The following RBFOX1 variants were observed in gnomAD, a reference collection of about 807,000 sequenced individuals.
RBFOX1 encodes RNA binding fox-1 homolog 1.
In RBFOX1, 8 loss-of-function variants were observed where a neutral mutation model predicts 57.7. The observed-to-expected ratio is 0.14, with a 90% CI of 0.08 to 0.25. RBFOX1 has a LOEUF of 0.25. RBFOX1 is among the 10% of genes least tolerant of loss of function. The pLI is 1.00. For synonymous variants in RBFOX1, 326 were observed against 222.4 expected, an observed-to-expected ratio of 1.47 and a Z score of -4.15; for missense variants, 611 against 548.5, an observed-to-expected ratio of 1.11 and a Z score of -1.14.
intron 4 of RBFOX1, among the ~76,000 whole-genome samples, chr16:7,490,445 A>G (rs1007046131): frequency 3.9e-5 from 6 of 152,206 alleles, no homozygotes; most frequent in African/African-American, 1.4e-4. Context: ...CACTGTTTAT[A>G]GTTCAAAATT....
At chr16:5,355,844 C>T (rs773268772) in intron 1 of RBFOX1, among the ~76,000 whole-genome samples, 6 of 152,118 alleles carry the variant, frequency 3.9e-5, no homozygotes, top group Non-Finnish European at 7.4e-5. Context: ...TAATCCCAGC[C>T]CTTTCGGAGG....
intron 4 of RBFOX1, among the ~76,000 whole-genome samples, chr16:7,297,376 T>G (rs952122659): frequency 3.9e-5 from 6 of 152,198 alleles, no homozygotes; most frequent in African/African-American, 1.2e-4. Context: ...GCAGTCTGTT[T>G]CTCAGCAGCC....
chr16:7,053,308 A>G (rs1255669089), intron 4 of RBFOX1, among the ~76,000 whole-genome samples: 1 of 152,148 alleles, frequency 6.6e-6, no homozygotes, highest in Non-Finnish European at 1.5e-5. Context: ...ACTTTCCTCC[A>G]AGTACCTGTG....
At chr16:5,855,988 T>A (rs1225791636) in intron 3 of RBFOX1, among the ~76,000 whole-genome samples, 1 of 146,916 alleles carries the variant, frequency 6.8e-6, no homozygotes, top group East Asian at 2.0e-4. Flanking sequence ...TTTTTTTTTT[T>A]TTTTTTTTGC....
chr16:7,571,424 C>G (rs1040927771), intron 5 of RBFOX1, among the ~76,000 whole-genome samples: 20 of 152,140 alleles, frequency 1.3e-4, no homozygotes, highest in Non-Finnish European at 2.8e-4. Context: ...TCCAATTTCA[C>G]CAGGATTAGT....
chr16:6,395,540 A>G (rs1233644844), intron 2 of RBFOX1, among the ~76,000 whole-genome samples: 8 of 151,272 alleles, frequency 5.3e-5, no homozygotes. Context: ...TACTTTTATA[A>G]TTAGCTCTGT....
chr16:6,537,204 A>T lies in RBFOX1; in HGVS notation c.-63-117399A>T, dbSNP rs533152271. Among the ~76,000 whole-genome samples the T allele has an allele frequency of 2.0e-5, 3 of 152,196 alleles. No individual in the cohort carries two copies. The East Asian group carries it at 5.8e-4, about 29-fold the overall frequency. ...TTCGTAGGTCTGGGTGGAGCCTGAG[A>T]TTCGGCACTTCTAATAAGCTTCCAG... On this transcript the variant is annotated intron_variant, in intron 2 of 15. Transcript: ENST00000550418.
intron 4 of RBFOX1, among the ~76,000 whole-genome samples, chr16:7,188,709 C>G (rs1388522643): frequency 6.6e-6 from 1 of 152,172 alleles, no homozygotes; most frequent in Non-Finnish European, 1.5e-5. Flanking sequence ...CTGCAGTCTT[C>G]ATTTCTACCA....
At chr16:6,729,186 G>T (rs932189071) in intron 3 of RBFOX1, among the ~76,000 whole-genome samples, 1 of 152,044 alleles carries the variant, frequency 6.6e-6, no homozygotes, top group Admixed American at 6.6e-5. Context: ...TTCCAAAATA[G>T]ACTTACCTGG....
intron 4 of RBFOX1, among the ~76,000 whole-genome samples, chr16:7,477,173 G>A (rs562920811): frequency 1.3e-5 from 2 of 152,214 alleles, no homozygotes; most frequent in South Asian, 4.2e-4. Context: ...CAAATAAATG[G>A]CATTCTTGTG....
intron 4 of RBFOX1, among the ~76,000 whole-genome samples, chr16:7,395,138 C>G (rs2098120164): frequency 1.3e-5 from 2 of 151,604 alleles, no homozygotes; most frequent in Admixed American, 1.3e-4. Flanking sequence ...GAACTGCTGA[C>G]TACAGCATAT....
intron 2 of RBFOX1, among the ~76,000 whole-genome samples, chr16:6,399,863 C>T (rs532591766): frequency 3.0e-4 from 46 of 152,316 alleles, no homozygotes; most frequent in African/African-American, 1.1e-3. Context: ...CTTCACAGGG[C>T]AGCAGGAGAG....
chr16:5,363,784 G>A (rs1044636150), intron 1 of RBFOX1, among the ~76,000 whole-genome samples: 2 of 152,206 alleles, frequency 1.3e-5, no homozygotes, highest in Admixed American at 1.3e-4. Flanking sequence ...AGGGCCAGAA[G>A]GGTCAGAGAG....
intron 3 of RBFOX1, among the ~76,000 whole-genome samples, chr16:7,027,392 C>G (rs954807822): frequency 1.3e-5 from 2 of 152,138 alleles, no homozygotes; most frequent in South Asian, 2.1e-4. Flanking sequence ...AGATGCCTAA[C>G]AAAAACCCTG....
intron 4 of RBFOX1, among the ~76,000 whole-genome samples, chr16:7,199,163 A>T (rs1418272402): frequency 6.6e-6 from 1 of 152,140 alleles, no homozygotes; most frequent in Admixed American, 6.5e-5. Flanking sequence ...TTGGAAATGG[A>T]TGGATTTTTA....
At chr16:7,444,899 C>G (rs993967357) in intron 4 of RBFOX1, among the ~76,000 whole-genome samples, 1 of 152,188 alleles carries the variant, frequency 6.6e-6, no homozygotes, top group Non-Finnish European at 1.5e-5. Context: ...TAGACAGTTA[C>G]TACGCGTAAC....
chr16:5,346,161 G>T (rs890193695), intron 1 of RBFOX1, among the ~76,000 whole-genome samples: 2 of 152,170 alleles, frequency 1.3e-5, no homozygotes, highest in African/African-American at 4.8e-5. Context: ...GGCTCTGGAG[G>T]CAGAGGGGAG....
chr16:6,502,459 G>T (rs147396766), intron 2 of RBFOX1, among the ~76,000 whole-genome samples: 4 of 152,120 alleles, frequency 2.6e-5, no homozygotes, highest in African/African-American at 4.8e-5. Flanking sequence ...GTCTCAGTTT[G>T]CTCATCTGTA....
chr16:7,245,664 T>A (rs914727312), intron 4 of RBFOX1, among the ~76,000 whole-genome samples: 2 of 152,242 alleles, frequency 1.3e-5, no homozygotes, highest in African/African-American at 2.4e-5. Flanking sequence ...CTTAGCCTTA[T>A]GTTTTTGTTT....
Sources: allele counts gnomAD v4.1 joint callset (sites outside exome capture counted in the v4.1 genomes callset), GRCh38; gene constraint gnomAD v4.1.1; transcripts MANE v1.5; gene names NCBI Gene and HGNC (gene_info 2026-07-23, HGNC 2026-07-21).